ARNT2: variants seen among roughly 807,000 people sequenced by gnomAD.
The protein encoded by ARNT2 is ARNT protein 2.
ARNT2 carries 36 observed loss-of-function variants against 91.7 expected under a neutral mutation model. The ratio of observed to expected loss-of-function variants is 0.39; its 90% CI spans 0.30 to 0.52. ARNT2 has a LOEUF of 0.52. Ranked by LOEUF, ARNT2 falls within the 20% of genes least tolerant of loss-of-function variation. The pLI is 0.72. For missense variants in ARNT2, 775 were observed against 939.3 expected (o/e 0.83, Z 2.29); for synonymous variants, 365 against 347.1 (o/e 1.05, Z -0.57).
intron 3 of ARNT2, among the ~76,000 whole-genome samples, chr15:80,459,435 C>A (rs56339630): frequency 0.23 from 34,435 of 152,098 alleles, 4,151 homozygotes; most frequent in Non-Finnish European, 0.28. Context: ...TTTGCTCTCG[C>A]TGTACACAGC....
intron 1 of ARNT2, among the ~76,000 whole-genome samples, chr15:80,425,307 TTTTTTG>T (rs1173500452): frequency 1.3e-5 from 2 of 152,208 alleles, no homozygotes; most frequent in African/African-American, 4.8e-5. Context: ...ATGGTGGTCA[TTTTTTG>T]TTTTTGTTTT....
At chr15:80,577,123 G>GGACTC (rs1032915251) in intron 15 of ARNT2, among the ~76,000 whole-genome samples, 158 bp downstream of exon 15, 6 of 152,196 alleles carry the variant, frequency 3.9e-5, no homozygotes, top group African/African-American at 1.4e-4. Context: ...CTCTGCTTCT[G>GGACTC]CTCTGTGAGC....
chr15:80,589,295 G>A (rs1336478481), intron 17 of ARNT2, among the ~76,000 whole-genome samples: 2 of 152,116 alleles, frequency 1.3e-5, no homozygotes, highest in Non-Finnish European at 2.9e-5. Context: ...GATGGGGCCT[G>A]GCAGTAGAGT....
chr15:80,413,181 G>A (rs932332566), intron 1 of ARNT2, among the ~76,000 whole-genome samples: 5 of 152,248 alleles, frequency 3.3e-5, no homozygotes, highest in African/African-American at 1.2e-4. Flanking sequence ...TCAGTGGGCC[G>A]CTGCAGGGGC....
At chr15:80,455,862 T>C (rs972099734) in intron 2 of ARNT2, among the ~76,000 whole-genome samples, 1 of 152,228 alleles carries the variant, frequency 6.6e-6, no homozygotes, top group Non-Finnish European at 1.5e-5. Flanking sequence ...AATGCTTGCA[T>C]GAGTTCTTTG....
chr15:80,564,937 T>A (rs201963108), intron 12 of ARNT2, among the ~76,000 whole-genome samples: 33 of 125,658 alleles, frequency 2.6e-4, no homozygotes, highest in Non-Finnish European at 3.9e-4. Flanking sequence ...TTTTTTTTTT[T>A]AAATTGAGAC....
chr15:80,424,566 T>C (rs1895906799), intron 1 of ARNT2, among the ~76,000 whole-genome samples: 1 of 152,138 alleles, frequency 6.6e-6, no homozygotes, highest in Admixed American at 6.5e-5. Flanking sequence ...GCCATGGCAG[T>C]GGTATTGCCC....
At chr15:80,555,969 ACT>A (rs1898177939) in intron 11 of ARNT2, 1 of 148,874 alleles carries the variant, frequency 6.7e-6, no homozygotes, top group African/African-American at 2.5e-5. Context: ...TGTCTCACTC[ACT>A]CACTCACTCA....
At chr15:80,441,819 T>A (rs945511713) in intron 1 of ARNT2, among the ~76,000 whole-genome samples, 1 of 152,240 alleles carries the variant, frequency 6.6e-6, no homozygotes, top group Non-Finnish European at 1.5e-5. Flanking sequence ...AAGCCAGATA[T>A]GTTTTCTGTG....
chr15:80,597,241 C>T lies in ARNT2; in HGVS notation c.*3543C>T, dbSNP rs751021990. 1 of 518,400 alleles carries T rather than the reference C, an allele frequency of 1.9e-6. No homozygotes were observed. Among genetic ancestry groups the T allele is most frequent in the Admixed American group, 1.9e-5 (1 of 51,502 alleles). The allele number at this position is 518,400 out of a possible 1,614,324, so 32.1% of individuals were successfully genotyped here. A position where few individuals can be genotyped will look rare whatever the true frequency, so the allele number is the denominator to read the frequency against. Reference sequence around the variant, plus strand: ...ACTCCCGGCAGCACTTTAGGCAGCCCATAAGCTATGCGAGAATGTGAACGC... The same window carrying T: ...ACTCCCGGCAGCACTTTAGGCAGCCTATAAGCTATGCGAGAATGTGAACGC... On this transcript the variant is annotated 3_prime_UTR_variant, in exon 19 of 19. Transcript: ENST00000303329.
intron 7 of ARNT2, 42 bp from the exon 8 acceptor site, chr15:80,514,278 C>G: frequency 6.3e-7 from 1 of 1,599,304 alleles, no homozygotes; most frequent in South Asian, 1.1e-5. Flanking sequence ...CCTTGCCTCA[C>G]CCTCATGTGA....
At chr15:80,519,739 G>C (rs1184580301) in intron 8 of ARNT2, among the ~76,000 whole-genome samples, 2 of 146,000 alleles carry the variant, frequency 1.4e-5, no homozygotes, top group Admixed American at 6.9e-5. Flanking sequence ...AGGCTGGAGT[G>C]CAGTGGCGCA....
intron 3 of ARNT2, among the ~76,000 whole-genome samples, chr15:80,458,996 C>T (rs1896517021): frequency 6.6e-6 from 1 of 152,204 alleles, no homozygotes; most frequent in African/African-American, 2.4e-5. Context: ...TTTCTCCCCT[C>T]ATGGTAGCCA....
intron 1 of ARNT2, among the ~76,000 whole-genome samples, chr15:80,435,899 T>G (rs1896078582): frequency 6.6e-6 from 1 of 151,906 alleles, no homozygotes; most frequent in East Asian, 1.9e-4. Context: ...AGGAAAAAAA[T>G]GTGTTGAATG....
At chr15:80,470,511 C>T in intron 4 of ARNT2, 80 bp downstream of exon 4, 2 of 1,477,958 alleles carry the variant, frequency 1.4e-6, no homozygotes, top group Non-Finnish European at 1.9e-6. Flanking sequence ...CGTGGGGAAC[C>T]AGGGCTCAAG....
chr15:80,485,617 G>A (rs1595982675), intron 5 of ARNT2, among the ~76,000 whole-genome samples: 1 of 152,228 alleles, frequency 6.6e-6, no homozygotes, highest in Non-Finnish European at 1.5e-5. Context: ...GCCCCTGTGA[G>A]TGACTGATGC....
chr15:80,449,226 A>G (rs1454751288), intron 1 of ARNT2, among the ~76,000 whole-genome samples: 1 of 152,180 alleles, frequency 6.6e-6, no homozygotes, highest in Non-Finnish European at 1.5e-5. Context: ...TTATTTGACC[A>G]TGGAACTCTG....
chr15:80,563,089 TG>T lies in ARNT2; in HGVS notation c.1168del (p.Val390LeufsTer3). 6.2e-7 allele frequency: 1 copy of T among 1,614,170 alleles called. No individual in the cohort carries two copies. Among genetic ancestry groups the T allele is most frequent in the Non-Finnish European group, 8.5e-7 (1 of 1,180,030 alleles). On this transcript the variant is annotated frameshift_variant and splice_region_variant, in exon 12 of 19. Transcript: ENST00000303329. LOFTEE classifies it high-confidence loss of function. ...TTCCTTCTCCAAATGTTTTCTCAGG[TG>T]GTTAAGCTGAAAGGCCAAGTCCTGT... is the stretch of plus-strand genomic sequence containing the variant. ...QSHLRESFQQ[V>X]VKLKGQVLSV...
chr15:80,414,715 A>T (rs780882061), intron 1 of ARNT2, among the ~76,000 whole-genome samples: 2 of 152,074 alleles, frequency 1.3e-5, no homozygotes, highest in Non-Finnish European at 2.9e-5. Flanking sequence ...CAAGTCCCCC[A>T]AAGAATAAAA....
Sources: gnomAD v4.1 joint callset for allele counts (sites outside exome capture counted in the v4.1 genomes callset) on GRCh38, gnomAD v4.1.1 for gene constraint, MANE v1.5 for transcripts, NCBI Gene and HGNC (gene_info 2026-07-23, HGNC 2026-07-21) for gene names.